Variants in PARD3B observed in about 807,000 individuals in gnomAD.
The protein encoded by PARD3B is par-3 family cell polarity regulator beta, also known as partitioning defective 3 homolog B.
A neutral mutation model predicts 130.2 loss-of-function variants in PARD3B; 103 were observed. That is an observed-to-expected ratio of 0.79 (90% confidence interval 0.67 to 0.93). The LOEUF (loss-of-function observed/expected upper bound fraction) is 0.93. Among genes scored for constraint, PARD3B ranks in the 40% least tolerant of loss-of-function variants. The pLI is 0.00. For synonymous variants in PARD3B, 583 were observed against 553.2 expected (o/e 1.05, Z -0.76); for missense variants, 1,609 against 1,499.2 (o/e 1.07, Z -1.21).
At chr2:204,835,420 C>T (rs1005406792) in intron 2 of PARD3B, among the ~76,000 whole-genome samples, 2 of 152,054 alleles carry the variant, frequency 1.3e-5, no homozygotes, top group Admixed American at 1.3e-4. Context: ...TCTGACGTTC[C>T]ATTTCTTGTT....
intron 1 of PARD3B, among the ~76,000 whole-genome samples, chr2:204,585,864 ATT>A (rs1222709449): frequency 1.3e-5 from 2 of 152,324 alleles, no homozygotes; most frequent in Non-Finnish European, 2.9e-5. Flanking sequence ...AATCTTAAAC[ATT>A]TGTTCCTTTG....
chr2:204,761,597 A>C lies in PARD3B; in HGVS notation c.222+75315A>C, dbSNP rs2040899003. On this transcript the variant is annotated intron_variant, in intron 2 of 22. Coordinates refer to ENST00000406610, the MANE Select transcript of PARD3B (RefSeq NM_001302769.2). Reference sequence around the variant, plus strand: ...GAGCTTGCATTTCTACCTAAAAATTACAAAAAAAAAAAATAGATTTTTCAT... The same window carrying C: ...GAGCTTGCATTTCTACCTAAAAATTCCAAAAAAAAAAAATAGATTTTTCAT... Among the ~76,000 whole-genome samples the C allele has an allele frequency of 3.6e-5, 3 of 83,496 alleles. No homozygotes were observed. In the East Asian group the frequency reaches 1.1e-3, roughly 31 times the overall value. 54.8% of individuals were successfully genotyped at this position (83,496 alleles called of 152,430 possible).
intron 4 of PARD3B, among the ~76,000 whole-genome samples, chr2:205,054,380 A>G (rs1160782428): frequency 7.6e-6 from 1 of 132,220 alleles, no homozygotes; most frequent in Non-Finnish European, 1.6e-5. Flanking sequence ...TTCAGAAATT[A>G]ACAAGGTAAC....
rs202200375 is a variant in PARD3B at position 205,473,755 on chromosome 2, T to TAA, written c.3045-26140_3045-26139dup. Among the ~76,000 whole-genome samples the TAA allele has an allele frequency of 3.0e-4, 43 of 142,216 alleles. No homozygotes were observed. Among genetic ancestry groups the TAA allele is most frequent in the Middle Eastern group, 3.6e-3 (1 of 274 alleles). The allele number at this position is 142,216 out of a possible 152,430, so 93.3% of individuals were successfully genotyped here. A position where few individuals can be genotyped will look rare whatever the true frequency, so the allele number is the denominator to read the frequency against. On this transcript the variant is annotated intron_variant, in intron 20 of 22. Coordinates refer to ENST00000406610, the MANE Select transcript of PARD3B (RefSeq NM_001302769.2). This position sits in a 1 kb window ranked among gnomAD's most constrained non-coding sequence, Gnocchi z 4.9. ...CCCTAAATATATATATATATATATA[T>TAA]AACCTTAAATATATATATTTTATAT...
chr2:204,956,430 A>G (rs1361468717), intron 2 of PARD3B, among the ~76,000 whole-genome samples: 3 of 152,158 alleles, frequency 2.0e-5, no homozygotes, highest in Non-Finnish European at 4.4e-5. Flanking sequence ...CTAGTGTTGG[A>G]TATACTTGCT....
intron 10 of PARD3B, among the ~76,000 whole-genome samples, chr2:205,143,354 A>G (rs2125678048): frequency 6.6e-6 from 1 of 152,302 alleles, no homozygotes; most frequent in South Asian, 2.1e-4. Context: ...GAAAAAATTA[A>G]TTCCTTAGGC....
At chr2:205,561,037 T>C (rs542187819) in intron 22 of PARD3B, among the ~76,000 whole-genome samples, 1 of 152,342 alleles carries the variant, frequency 6.6e-6, no homozygotes, top group South Asian at 2.1e-4. Context: ...AAGAGTCCAA[T>C]CACAAGTGCG....
intron 15 of PARD3B, among the ~76,000 whole-genome samples, chr2:205,203,772 G>C (rs547002359): frequency 5.3e-5 from 8 of 152,320 alleles, no homozygotes; most frequent in East Asian, 3.9e-4. Flanking sequence ...TCCCTGCAAA[G>C]TTCATGAACT....
chr2:205,093,869 C>T (rs1180164228), intron 4 of PARD3B, among the ~76,000 whole-genome samples: 1 of 152,158 alleles, frequency 6.6e-6, no homozygotes, highest in East Asian at 1.9e-4. Context: ...CAGAGTCTCT[C>T]CTAACTCTTT....
chr2:204,976,679 C>T (rs1177116689), intron 3 of PARD3B, among the ~76,000 whole-genome samples: 1 of 142,866 alleles, frequency 7.0e-6, no homozygotes, highest in Non-Finnish European at 1.5e-5. Context: ...GTGATCTCAG[C>T]TCACTGCAAC....
At chr2:204,660,297 T>G (rs1309461563) in intron 1 of PARD3B, among the ~76,000 whole-genome samples, 1 of 152,164 alleles carries the variant, frequency 6.6e-6, no homozygotes, top group Non-Finnish European at 1.5e-5. Context: ...CACCTCCTTC[T>G]AACTGCTTTT....
chr2:204,754,540 A>G (rs915115962), intron 2 of PARD3B, among the ~76,000 whole-genome samples: 2 of 152,186 alleles, frequency 1.3e-5, no homozygotes, highest in African/African-American at 4.8e-5. Flanking sequence ...AAATTATTAA[A>G]TGTAAAACAT....
intron 21 of PARD3B, among the ~76,000 whole-genome samples, chr2:205,549,750 C>T (rs1227655276): frequency 6.6e-6 from 1 of 152,072 alleles, no homozygotes; most frequent in Non-Finnish European, 1.5e-5. Context: ...ATGAGTAACA[C>T]CTAGAGAGAG....
rs1157731146 is a variant in PARD3B, at chr2:205,562,163, A to G, written c.3260+8760A>G. Among the ~76,000 whole-genome samples the G allele has an allele frequency of 6.6e-6, 1 of 152,208 alleles. No individual in the cohort carries two copies. The highest frequency in any genetic ancestry group is 1.5e-5 in the Non-Finnish European group (1 of 68,030). ...TTAATGCTACTGCCACCTCATTTTT[A>G]TGTCACTTAGTTCCTCAGATAAAAG... On this transcript the variant is annotated intron_variant, in intron 22 of 22. Transcript: ENST00000406610. The surrounding 1 kb of genome is among the most constrained non-coding windows in gnomAD (Gnocchi z 5.4).
chr2:205,506,206 A>C (rs1311296138), intron 21 of PARD3B, among the ~76,000 whole-genome samples: 1 of 152,008 alleles, frequency 6.6e-6, no homozygotes, highest in Non-Finnish European at 1.5e-5. Flanking sequence ...GGTGGTGCAC[A>C]CCTGTAGTCC....
intron 2 of PARD3B, among the ~76,000 whole-genome samples, chr2:204,786,862 A>G (rs1428488547): frequency 6.6e-6 from 1 of 151,904 alleles, no homozygotes; most frequent in Non-Finnish European, 1.5e-5. Context: ...TTTCGCTCTC[A>G]TTCTCAATGT....
At chr2:205,060,792 C>T (rs1464740356) in intron 4 of PARD3B, among the ~76,000 whole-genome samples, 1 of 152,092 alleles carries the variant, frequency 6.6e-6, no homozygotes, top group Admixed American at 6.6e-5. Flanking sequence ...AAAACTAGAG[C>T]TAGCCACAGC....
At chr2:205,391,096 GC>G (rs2045842784) in intron 18 of PARD3B, among the ~76,000 whole-genome samples, 1 of 152,214 alleles carries the variant, frequency 6.6e-6, no homozygotes, top group African/African-American at 2.4e-5. Context: ...GGCCAACTGG[GC>G]CTGGGAAGGG....
intron 2 of PARD3B, among the ~76,000 whole-genome samples, chr2:204,879,497 C>T (rs769342747): frequency 6.6e-6 from 1 of 152,194 alleles, no homozygotes; most frequent in Non-Finnish European, 1.5e-5. Context: ...CTAACCTCAC[C>T]TCTCTGAGCA....
Sources: gnomAD v4.1 joint callset for allele counts (sites outside exome capture counted in the v4.1 genomes callset) on GRCh38, gnomAD v4.1.1 for gene constraint, Gnocchi (gnomAD v3.1) non-coding constraint, MANE v1.5 for transcripts, NCBI Gene and HGNC (gene_info 2026-07-23, HGNC 2026-07-21) for gene names.